HPS5: variants seen among roughly 807,000 people sequenced by gnomAD.
HPS5 encodes the protein HPS5 biogenesis of lysosomal organelles complex 2 subunit 2.
A neutral mutation model predicts 128.0 loss-of-function variants in HPS5; 83 were observed. The ratio of observed to expected loss-of-function variants is 0.65; its 90% CI spans 0.54 to 0.78. HPS5 has a LOEUF of 0.78. HPS5 is among the 30% of genes least tolerant of loss of function. HPS5 has a pLI of 0.00. For synonymous variants in HPS5, 475 were observed against 470.2 expected, an observed-to-expected ratio of 1.01 and a Z score of -0.13; for missense variants, 1,281 against 1,326.2, an observed-to-expected ratio of 0.97 and a Z score of 0.53.
chr11:18,310,710 T>G (rs1179803908), intron 5 of HPS5, 31 bp downstream of exon 5: 4 of 1,510,338 alleles, frequency 2.6e-6, no homozygotes, highest in Admixed American at 1.7e-5. Flanking sequence ...TGTATCTCAC[T>G]ACATACACAA....
Position 18,286,679 on chromosome 11 carries a change from C to G in HPS5, c.2749G>C (p.Glu917Gln), listed in dbSNP as rs1859772620. The change falls in exon 19 of 23, where the codon GAG (glutamate) becomes CAG (glutamine). Residue 917 changes from glutamate to glutamine, a missense_variant. By Grantham distance (29) the Glu-to-Gln change is conservative. Transcript: ENST00000349215. ...SSFLESLLQP[E>Q]SLRLDWLLLA... ...AGCAGCCAATCCAACCTTAAAGACTCTGGTTGCAGAAGGGACTCAAGAAAA... is the reference window on the plus strand; with the variant it reads ...AGCAGCCAATCCAACCTTAAAGACTGTGGTTGCAGAAGGGACTCAAGAAAA... 2 of 1,613,920 alleles carry G rather than the reference C, an allele frequency of 1.2e-6. No individual in the cohort carries two copies. Among genetic ancestry groups the G allele is most frequent in the South Asian group, 2.2e-5 (2 of 91,086 alleles).
At chr11:18,297,835 T>C in intron 10 of HPS5, 118 bp from the exon 11 acceptor site, 1 of 966,288 alleles carries the variant, frequency 1.0e-6, no homozygotes, top group East Asian at 2.5e-5. Flanking sequence ...ATCCCAGCAC[T>C]CTGGGAGGCC....
chr11:18,315,209 T>C (rs1353826745), intron 2 of HPS5, among the ~76,000 whole-genome samples: 2 of 152,210 alleles, frequency 1.3e-5, no homozygotes, highest in Non-Finnish European at 2.9e-5. Context: ...TGACAGTTCT[T>C]AGAAGCTGCC....
rs371347052 is a variant in HPS5 at position 18,282,157 on chromosome 11, G to C, written c.3122C>G (p.Thr1041Arg). ...LLLHLIQSKS[T>R]RPAPQESLNG... ...TAGTGACTCCTGGGGGGCTGGCCTC[G>C]TGCTCTTGCTCTGTATGAGATGAAG... Residue 1041 changes from threonine (T) to arginine (R), a missense_variant, in exon 22 of 23, where the codon ACG becomes AGG. Thr to Arg is a moderately conservative substitution (Grantham distance 71, BLOSUM62 -1). Transcript: ENST00000349215. 1.9e-6 allele frequency: 3 copies of C among 1,614,002 alleles called. No individual in the cohort carries two copies. Among genetic ancestry groups the C allele is most frequent in the Non-Finnish European group, 2.5e-6 (3 of 1,180,034 alleles).
chr11:18,314,156 G>A (rs1321580941), intron 2 of HPS5, among the ~76,000 whole-genome samples: 1 of 152,166 alleles, frequency 6.6e-6, no homozygotes, highest in Non-Finnish European at 1.5e-5. Context: ...AGGCTACAGT[G>A]CACTGCAGTG....
chr11:18,314,415 G>C (rs1168859611), intron 2 of HPS5: 2 of 152,276 alleles, frequency 1.3e-5, no homozygotes, highest in Non-Finnish European at 2.9e-5. Context: ...TGTAATCCTA[G>C]CCTCTCTGGT....
At chr11:18,311,712 T>C (rs943654052) in intron 3 of HPS5, 27 of 606,800 alleles carry the variant, frequency 4.4e-5, no homozygotes, top group African/African-American at 2.2e-4. Flanking sequence ...GGTTTCACCA[T>C]GTTGGCCAGG....
At chr11:18,311,699 C>T (rs548426321) in intron 3 of HPS5, 167 of 578,104 alleles carry the variant, frequency 2.9e-4, no homozygotes, top group Middle Eastern at 1.4e-3. Context: ...TTAGTGGAGA[C>T]GGGGTTTCAC....
intron 2 of HPS5, among the ~76,000 whole-genome samples, chr11:18,317,257 ATT>A (rs67379743): frequency 1.3e-3 from 177 of 131,954 alleles, no homozygotes; most frequent in Admixed American, 1.3e-3. Flanking sequence ...GGCCTGATAA[ATT>A]TTTTTTTTTT....
chr11:18,316,503 G>A lies in HPS5; in HGVS notation c.108+1248C>T, dbSNP rs75926660. ...GAGAAGACAGCAAGAACACTAACGG[G>A]GAAAAATGAAGCAAGTCAGTATCAT... On this transcript the variant is annotated intron_variant, in intron 2 of 22. Coordinates refer to ENST00000349215, the MANE Select transcript of HPS5 (RefSeq NM_181507.2). Among the ~76,000 whole-genome samples the A allele has an allele frequency of 8.7e-3, 1,318 of 152,006 alleles. 23 individuals are homozygous for A. Among genetic ancestry groups the A allele is most frequent in the African/African-American group, 0.029 (1,196 of 41,436 alleles).
Position 18,305,511 on chromosome 11 carries a change from C to T in HPS5, c.825-18G>A. The T allele has an allele frequency of 6.5e-7, 1 of 1,534,512 alleles. No homozygotes were observed. The highest frequency in any genetic ancestry group is 9.0e-7 in the Non-Finnish European group (1 of 1,108,148). ...GTTCTGATCTAGAAAGTAAACACAT[C>T]TGTTAATGAGTTTATCTGTTAAAAG... On this transcript the variant is annotated intron_variant, in intron 7 of 22. Transcript: ENST00000349215.
rs994281363 is a variant in HPS5 at position 18,281,947 on chromosome 11, T to C, written c.3329+3A>G. 5 of 1,614,186 alleles carry C rather than the reference T, an allele frequency of 3.1e-6. No homozygotes were observed. In the East Asian group the frequency reaches 6.7e-5, roughly 22 times the overall value. On this transcript the variant is annotated splice_donor_region_variant and intron_variant, in intron 22 of 22. Transcript: ENST00000349215. ...TGCAGAGGGTAGGACAAACTGATAT[T>C]ACCTCTGCCTTTTCTCAGCAATCCT...
chr11:18,293,937 A>C lies in HPS5; in HGVS notation c.1785-961T>G, dbSNP rs151005755. On this transcript the variant is annotated intron_variant, in intron 14 of 22. Coordinates refer to ENST00000349215, the MANE Select transcript of HPS5 (RefSeq NM_181507.2). The stretch of plus-strand genomic sequence containing the variant: ...ATGTCAAAAAATCTGTATTTTTTCT[A>C]TAAACATATGGATTCACTAAGTTAT... 4.1e-4 allele frequency among the ~76,000 whole-genome samples: 62 copies of C among 152,338 alleles called. 1 individual carries two copies. The highest frequency in any genetic ancestry group is 1.3e-3 in the African/African-American group (52 of 41,576).
Position 18,293,238 on chromosome 11 carries a change from C to T in HPS5, c.1785-262G>A, listed in dbSNP as rs144502792. ...GGCTGGAGTGCAGTGGCATGATCTCCGCTCACTGCAAGCTCCACCTCCCAG... is the reference window on the plus strand; with the variant it reads ...GGCTGGAGTGCAGTGGCATGATCTCTGCTCACTGCAAGCTCCACCTCCCAG... On this transcript the variant is annotated intron_variant, in intron 14 of 22. Transcript: ENST00000349215. Among the ~76,000 whole-genome samples the T allele has an allele frequency of 7.1e-3, 1,086 of 152,140 alleles. 13 individuals carry two copies. Among genetic ancestry groups the T allele is most frequent in the African/African-American group, 0.025 (1,028 of 41,496 alleles).
chr11:18,313,535 T>C (rs1211860445), intron 2 of HPS5, among the ~76,000 whole-genome samples: 6 of 152,240 alleles, frequency 3.9e-5, no homozygotes, highest in Non-Finnish European at 7.3e-5. Context: ...CTCATGCCTA[T>C]AATCCCAACA....
intron 22 of HPS5, among the ~76,000 whole-genome samples, chr11:18,281,191 C>A (rs1858869859): frequency 4.6e-5 from 7 of 151,506 alleles, no homozygotes; most frequent in Admixed American, 4.6e-4. Context: ...GATTCTCCTG[C>A]CTCAGCTTCC....
intron 22 of HPS5, among the ~76,000 whole-genome samples, chr11:18,280,259 A>C (rs1858703780): frequency 6.6e-6 from 1 of 152,246 alleles, no homozygotes; most frequent in African/African-American, 2.4e-5. Flanking sequence ...AATGGTCAAT[A>C]AGCATATGAA....
At chr11:18,298,684 G>T in intron 10 of HPS5, 108 bp downstream of exon 10, 1 of 1,058,894 alleles carries the variant, frequency 9.4e-7, no homozygotes. Context: ...GTATCTGTAG[G>T]TCACACAGAC....
At position 18,310,858 on chromosome 11, in the gene HPS5, T is replaced by C; in HGVS notation, c.360A>G (p.Glu120=). 3 of 1,611,012 alleles carry C rather than the reference T, an allele frequency of 1.9e-6. No homozygotes were observed. The Admixed American group carries it at 5.0e-5, about 27-fold the overall frequency. Reference sequence around the variant, plus strand: ...GAGCTGTGACTCTTCGGCCTTTGTGTTCTGAAGACACATACATTTGTTCCG... The same window carrying C: ...GAGCTGTGACTCTTCGGCCTTTGTGCTCTGAAGACACATACATTTGTTCCG... ...GKPEQMYVSS[E]HKGRRVTALC... is the part of the protein sequence containing the mutation. The change falls in exon 5 of 23, where the codon GAA becomes GAG. Residue 120 remains glutamate (E), a synonymous_variant. Transcript: ENST00000349215.
Sources: allele counts gnomAD v4.1 joint callset (sites outside exome capture counted in the v4.1 genomes callset), GRCh38; gene constraint gnomAD v4.1.1; transcripts MANE v1.5; gene names NCBI Gene and HGNC (gene_info 2026-07-23, HGNC 2026-07-21).